Variants in EPC1 observed in about 807,000 individuals in gnomAD.
EPC1 encodes the protein enhancer of polycomb homolog 1.
In EPC1, 12 loss-of-function variants were observed where a neutral mutation model predicts 98.4. The observed-to-expected ratio is 0.12, with a 90% CI of 0.08 to 0.20. EPC1 has a LOEUF of 0.20. Among genes scored for constraint, EPC1 ranks in the 10% least tolerant of loss-of-function variants. EPC1 has a pLI of 1.00. For synonymous variants in EPC1, 357 were observed against 363.9 expected (o/e 0.98, Z 0.21); for missense variants, 729 against 990.5 (o/e 0.74, Z 3.54).
At chr10:32,349,458 C>T (rs772059762), upstream of EPC1, among the ~76,000 whole-genome samples, 3 of 152,326 alleles carry the variant, frequency 2.0e-5, no homozygotes, top group South Asian at 4.1e-4. Context: ...CTAAGAGACA[C>T]CTTTTTCTCA....
At chr10:32,323,159 T>A in intron 1 of EPC1, among the ~76,000 whole-genome samples, 1 of 152,156 alleles carries the variant, frequency 6.6e-6, no homozygotes, top group South Asian at 2.1e-4. Context: ...GTATATACAA[T>A]GTACTTCTTC....
chr10:32,341,574 C>T lies in EPC1; in HGVS notation c.153+5189G>A, dbSNP rs528831616. On this transcript the variant is annotated intron_variant, in intron 1 of 13. Coordinates refer to ENST00000319778, the MANE Select transcript of EPC1 (RefSeq NM_001272004.3). ...TAACAGAAAAAAATGTAATTCAGTA[C>T]AAATGCCATTGCTGATCATGAAAAG... Among the ~76,000 whole-genome samples, 3 of 152,272 alleles carry T rather than the reference C, an allele frequency of 2.0e-5. No homozygotes were observed. The South Asian group carries it at 6.2e-4, about 32-fold the overall frequency.
upstream of EPC1, among the ~76,000 whole-genome samples, chr10:32,348,084 C>G (rs1036807358): frequency 6.6e-6 from 1 of 152,228 alleles, no homozygotes; most frequent in Admixed American, 6.5e-5. Flanking sequence ...GCGGCTTCAT[C>G]ATAGCCGTGG....
At chr10:32,370,078 T>TA (rs1839704924) in intron 1 of EPC1, among the ~76,000 whole-genome samples, 1 of 152,224 alleles carries the variant, frequency 6.6e-6, no homozygotes, top group Non-Finnish European at 1.5e-5. Flanking sequence ...TTTATATATA[T>TA]TTTAAAAACT....
intron 1 of EPC1, among the ~76,000 whole-genome samples, chr10:32,353,890 C>T (rs1404311984): frequency 6.6e-6 from 1 of 152,204 alleles, no homozygotes; most frequent in African/African-American, 2.4e-5. Context: ...AAAGAAATGA[C>T]TGCAAACAAT....
intron 1 of EPC1, among the ~76,000 whole-genome samples, chr10:32,365,686 T>C (rs1438910647): frequency 6.7e-6 from 1 of 149,092 alleles, no homozygotes; most frequent in African/African-American, 2.5e-5. Flanking sequence ...CTGGGCATAG[T>C]GGTGCACCTG....
intron 3 of EPC1, 57 bp downstream of exon 3, chr10:32,293,535 A>G: frequency 1.3e-6 from 2 of 1,507,120 alleles, no homozygotes; most frequent in Non-Finnish European, 1.8e-6. Context: ...CTTTCCATAC[A>G]ATACAGTTCT....
rs553399538 is a variant in EPC1 at position 32,340,646 on chromosome 10, A to G, written c.153+6117T>C. Among the ~76,000 whole-genome samples, 4 of 152,280 alleles carry G rather than the reference A, an allele frequency of 2.6e-5. No individual in the cohort carries two copies. The South Asian group carries it at 8.3e-4, about 32-fold the overall frequency. On this transcript the variant is annotated intron_variant, in intron 1 of 13. Transcript: ENST00000319778. ...AGAGTTTGAGAACAGCCCAGGCAAC[A>G]TGGTGAATATTTAAAAATAAAAATA...
At chr10:32,319,141 A>C (rs1836732569) in intron 1 of EPC1, among the ~76,000 whole-genome samples, 1 of 152,210 alleles carries the variant, frequency 6.6e-6, no homozygotes, top group East Asian at 1.9e-4. Context: ...CCGCTTTTGG[A>C]AAGTCTTCCA....
chr10:32,294,030 A>T (rs1001888563), intron 2 of EPC1, among the ~76,000 whole-genome samples: 1 of 152,222 alleles, frequency 6.6e-6, no homozygotes, highest in African/African-American at 2.4e-5. Flanking sequence ...AAGAACATAA[A>T]GCGATCATTA....
At chr10:32,275,359 C>T (rs766397301) in intron 10 of EPC1, among the ~76,000 whole-genome samples, 5 of 152,218 alleles carry the variant, frequency 3.3e-5, no homozygotes, top group African/African-American at 4.8e-5. Flanking sequence ...CAAGGCCAGG[C>T]GCGGTGGCGC....
intron 1 of EPC1, among the ~76,000 whole-genome samples, chr10:32,311,072 A>G (rs1836185751): frequency 6.6e-6 from 1 of 152,192 alleles, no homozygotes; most frequent in Admixed American, 6.5e-5. Flanking sequence ...GCACTTTGGG[A>G]GGCCAAGGCG....
intron 1 of EPC1, among the ~76,000 whole-genome samples, chr10:32,337,103 G>A (rs11008886): frequency 5.3e-5 from 8 of 152,078 alleles, no homozygotes; most frequent in African/African-American, 1.9e-4. Flanking sequence ...AACATTTTTG[G>A]CCTTTGTTCT....
intron 1 of EPC1, among the ~76,000 whole-genome samples, chr10:32,368,151 T>C (rs1054387589): frequency 6.6e-6 from 1 of 152,206 alleles, no homozygotes; most frequent in Non-Finnish European, 1.5e-5. Context: ...AACAGACAAA[T>C]AAAAGAAAGA....
intron 1 of EPC1, among the ~76,000 whole-genome samples, chr10:32,325,226 A>G (rs1018544633): frequency 6.6e-6 from 1 of 152,184 alleles, no homozygotes; most frequent in Non-Finnish European, 1.5e-5. Context: ...TGTAAAACAC[A>G]AAACAAAATT....
chr10:32,297,395 C>A (rs995536409), intron 2 of EPC1, among the ~76,000 whole-genome samples: 1 of 151,484 alleles, frequency 6.6e-6, no homozygotes, highest in African/African-American at 2.4e-5. Context: ...GATATTCCTG[C>A]CTCACTCAGC....
chr10:32,368,574 T>C (rs1479256618), intron 1 of EPC1, among the ~76,000 whole-genome samples: 1 of 152,176 alleles, frequency 6.6e-6, no homozygotes, highest in African/African-American at 2.4e-5. Context: ...TTTTTTAATG[T>C]AGTAGAAATT....
At chr10:32,329,634 A>C (rs1837522083) in intron 1 of EPC1, among the ~76,000 whole-genome samples, 1 of 152,232 alleles carries the variant, frequency 6.6e-6, no homozygotes. Context: ...AATAGGAGTT[A>C]TGTCCCTTCT....
At chr10:32,331,793 T>A (rs1837656618) in intron 1 of EPC1, among the ~76,000 whole-genome samples, 1 of 152,178 alleles carries the variant, frequency 6.6e-6, no homozygotes, top group Non-Finnish European at 1.5e-5. Context: ...GTTTGATGAG[T>A]AAGTCATCTC....
Sources: allele counts gnomAD v4.1 joint callset (sites outside exome capture counted in the v4.1 genomes callset), GRCh38; gene constraint gnomAD v4.1.1; transcripts MANE v1.5; gene names NCBI Gene and HGNC (gene_info 2026-07-23, HGNC 2026-07-21).